DMTF1: variants seen among roughly 807,000 people sequenced by gnomAD.
DMTF1 encodes cyclin-D-binding Myb-like transcription factor 1.
DMTF1 carries 39 observed loss-of-function variants against 91.1 expected under a neutral mutation model. The observed-to-expected ratio is 0.43, with a 90% CI of 0.33 to 0.56. The LOEUF (loss-of-function observed/expected upper bound fraction) is 0.56. Ranked by LOEUF, DMTF1 falls within the 20% of genes least tolerant of loss-of-function variation. DMTF1 has a pLI of 0.05. For synonymous variants in DMTF1, 338 were observed against 309.5 expected (o/e 1.09, Z -0.97); for missense variants, 750 against 914.5 (o/e 0.82, Z 2.32).
At chr7:87,171,862 T>C (rs541321574) in intron 5 of DMTF1, among the ~76,000 whole-genome samples, 4 of 152,332 alleles carry the variant, frequency 2.6e-5, no homozygotes, top group Non-Finnish European at 5.9e-5. Flanking sequence ...ACTCATTTTA[T>C]TGACAGTGTT....
intron 1 of DMTF1, among the ~76,000 whole-genome samples, chr7:87,161,717 G>T (rs73206924): frequency 0.026 from 3,965 of 152,224 alleles, 78 homozygotes; most frequent in East Asian, 0.065. Context: ...CAACGTTGTG[G>T]ATTAACTGGG....
At chr7:87,157,666 T>C (rs943330913) in intron 1 of DMTF1, among the ~76,000 whole-genome samples, 6 of 152,126 alleles carry the variant, frequency 3.9e-5, no homozygotes, top group African/African-American at 9.6e-5. Context: ...ATTTCTTTAA[T>C]TGAATTCTGT....
At chr7:87,153,574 C>T (rs914123385) in intron 1 of DMTF1, among the ~76,000 whole-genome samples, 2 of 152,064 alleles carry the variant, frequency 1.3e-5, no homozygotes, top group East Asian at 2.0e-4. Context: ...TCCTCCCTTT[C>T]TCTCATTGAA....
intron 7 of DMTF1, among the ~76,000 whole-genome samples, chr7:87,177,667 A>T (rs1796525725): frequency 6.6e-6 from 1 of 152,176 alleles, no homozygotes; most frequent in African/African-American, 2.4e-5. Context: ...TTAAGAAATC[A>T]TTCCCCGCCT....
At chr7:87,178,908 G>A (rs1316376895) in intron 7 of DMTF1, among the ~76,000 whole-genome samples, 1 of 151,484 alleles carries the variant, frequency 6.6e-6, no homozygotes, top group Non-Finnish European at 1.5e-5. Flanking sequence ...TAACTGATTC[G>A]ATTTTCTTGA....
intron 1 of DMTF1, among the ~76,000 whole-genome samples, chr7:87,162,352 C>T (rs559792794): frequency 1.1e-4 from 17 of 152,282 alleles, no homozygotes; most frequent in African/African-American, 2.9e-4. Context: ...TGAGCCACCA[C>T]GCCTGGTGCA....
At chr7:87,185,783 A>C (rs748692186) in intron 11 of DMTF1, 46 bp from the exon 12 acceptor site, 12 of 1,604,878 alleles carry the variant, frequency 7.5e-6, no homozygotes, top group African/African-American at 2.7e-5. Flanking sequence ...GGGTTCTTAT[A>C]GAGAAATTAA....
chr7:87,155,761 TG>T (rs1373772725), intron 1 of DMTF1, among the ~76,000 whole-genome samples: 1 of 136,318 alleles, frequency 7.3e-6, no homozygotes, highest in Non-Finnish European at 1.6e-5. Flanking sequence ...CACCCAAGTT[TG>T]TAGAAAGATA....
intron 7 of DMTF1, among the ~76,000 whole-genome samples, chr7:87,176,177 A>C (rs1206012061): frequency 6.6e-6 from 1 of 152,188 alleles, no homozygotes; most frequent in African/African-American, 2.4e-5. Flanking sequence ...TTTAACTGCA[A>C]CTTTCCCAAC....
intron 9 of DMTF1, 103 bp from the exon 10 acceptor site, chr7:87,182,125 T>A (rs1797510155): frequency 3.2e-6 from 5 of 1,566,936 alleles, no homozygotes; most frequent in Non-Finnish European, 4.3e-6. Context: ...GCCCACAACT[T>A]CCAAACCAGT....
chr7:87,194,126 T>A (rs1800568933), intron 16 of DMTF1, 24 bp downstream of exon 16: 1 of 1,531,920 alleles, frequency 6.5e-7, no homozygotes, highest in African/African-American at 1.4e-5. Context: ...TAAGAACAAC[T>A]GAATGGATTC....
At chr7:87,194,475 TA>T in intron 16 of DMTF1, 1 of 478,096 alleles carries the variant, frequency 2.1e-6, no homozygotes, top group Non-Finnish European at 3.7e-6. Context: ...AGCTGACCTA[TA>T]ACTGACCTAG....
Position 87,193,496 on chromosome 7 carries a change from C to T in DMTF1, c.1650+143C>T, listed in dbSNP as rs539779734. 3 of 891,736 alleles carry T rather than the reference C, an allele frequency of 3.4e-6. No homozygotes were observed. In the Admixed American group the frequency reaches 7.3e-5, roughly 22 times the overall value. The allele number at this position is 891,736 out of a possible 1,614,324, so 55.2% of individuals were successfully genotyped here. ...ACAGTGTTATACACCATCACTCTGC[C>T]TTCACTGGAGTGTATGTTTCATCCC... On this transcript the variant is annotated intron_variant, in intron 15 of 17. Transcript: ENST00000331242.
In DMTF1 at chr7:87,179,343, T is replaced by C. The variant is rs1796880587; in HGVS notation, c.520-202T>C. On this transcript the variant is annotated intron_variant, in intron 7 of 17. Coordinates refer to ENST00000331242, the MANE Select transcript of DMTF1 (RefSeq NM_001142327.2). Reference sequence around the variant, plus strand: ...ATTCAATTTATTGAATTTGATAGTTTATTCTTGGAACATTTAAGTGTCACT... The same window carrying C: ...ATTCAATTTATTGAATTTGATAGTTCATTCTTGGAACATTTAAGTGTCACT... 2.0e-5 allele frequency among the ~76,000 whole-genome samples: 3 copies of C among 152,288 alleles called. No individual in the cohort carries two copies. In the South Asian group the frequency reaches 6.2e-4, roughly 32 times the overall value.
intron 1 of DMTF1, chr7:87,163,086 A>G (rs962618193): frequency 8.6e-5 from 13 of 151,974 alleles, no homozygotes; most frequent in Admixed American, 7.9e-4. Flanking sequence ...AAACATAAAG[A>G]GGTGTTAATA....
chr7:87,194,459 A>T (rs1800725881), intron 16 of DMTF1: 1 of 497,216 alleles, frequency 2.0e-6, no homozygotes, highest in Non-Finnish European at 3.5e-6. Context: ...TTCTTCTGTT[A>T]TATTCAGCTG....
chr7:87,182,617 T>C (rs1456929793), intron 10 of DMTF1, among the ~76,000 whole-genome samples: 2 of 152,228 alleles, frequency 1.3e-5, no homozygotes, highest in African/African-American at 4.8e-5. Flanking sequence ...ATTTCAATAC[T>C]TCCCCAGTTG....
chr7:87,159,137 G>A (rs922541344), intron 1 of DMTF1, among the ~76,000 whole-genome samples: 8 of 152,148 alleles, frequency 5.3e-5, no homozygotes, highest in African/African-American at 1.9e-4. Flanking sequence ...CAAAATTAAA[G>A]TTTTTAATGG....
chr7:87,174,072 A>G (rs1042065707), intron 6 of DMTF1, among the ~76,000 whole-genome samples: 2 of 151,870 alleles, frequency 1.3e-5, no homozygotes, highest in African/African-American at 2.4e-5. Context: ...GTGCTACAAA[A>G]AAGTGAGGGT....
Sources: gnomAD v4.1 joint callset for allele counts (sites outside exome capture counted in the v4.1 genomes callset) on GRCh38, gnomAD v4.1.1 for gene constraint, MANE v1.5 for transcripts, NCBI Gene and HGNC (gene_info 2026-07-23, HGNC 2026-07-21) for gene names.